The following SFTPC variants were observed in gnomAD, a reference collection of about 807,000 sequenced individuals.
SFTPC encodes the protein BRICHOS domain containing 6.
Under a neutral mutation model 19.9 loss-of-function variants are expected in SFTPC, and 12 were observed. That is an observed-to-expected ratio of 0.60 (90% confidence interval 0.39 to 0.98). The LOEUF is 0.98. Among genes scored for constraint, SFTPC ranks in the 50% least tolerant of loss-of-function variants. The probability of loss-of-function intolerance (pLI) is 0.00; values close to 1 mark genes in which losing one functional copy is unlikely to be tolerated. For missense variants in SFTPC, 219 were observed against 252.2 expected (o/e 0.87, Z 0.89); for synonymous variants, 123 against 103.3 (o/e 1.19, Z -1.16).
chr8:22,160,714 TA>T (rs1827681923), upstream of SFTPC, among the ~76,000 whole-genome samples: 1 of 152,152 alleles, frequency 6.6e-6, no homozygotes. Context: ...GAAGGGACTT[TA>T]GAGACCACCT....
chr8:22,162,483 C>T (rs1487689492), intron 1 of SFTPC, 91 bp from the exon 2 acceptor site: 2 of 1,446,516 alleles, frequency 1.4e-6, no homozygotes, highest in African/African-American at 2.8e-5. Context: ...CAGCCCTAGG[C>T]AGCCGTGGGA....
At chr8:22,159,624 G>C (rs1416576158), upstream of SFTPC, 2 of 461,336 alleles carry the variant, frequency 4.3e-6, no homozygotes, top group Non-Finnish European at 8.3e-6. Context: ...TACAGCCTAA[G>C]GGCAACAGGC....
upstream of SFTPC, chr8:22,161,638 G>T: frequency 1.3e-6 from 2 of 1,562,900 alleles, no homozygotes; most frequent in Non-Finnish European, 8.6e-7. Context: ...AGGGCCCTTG[G>T]GGGCTCTCAC....
upstream of SFTPC, chr8:22,159,762 A>G (rs1178336452): frequency 2.3e-6 from 3 of 1,288,602 alleles, no homozygotes; most frequent in Non-Finnish European, 3.0e-6. Context: ...TGAGAACAAC[A>G]TGGCCCCCCG....
intron 1 of SFTPC, among the ~76,000 whole-genome samples, chr8:22,162,346 C>T (rs1827772017): frequency 6.6e-6 from 1 of 152,164 alleles, no homozygotes; most frequent in Non-Finnish European, 1.5e-5. Flanking sequence ...TCTTGGGTCC[C>T]TCAAAACTAG....
chr8:22,159,455 T>G, upstream of SFTPC: 1 of 320,074 alleles, frequency 3.1e-6, no homozygotes, highest in Non-Finnish European at 6.1e-6. Flanking sequence ...TAAAGGTCCT[T>G]CTGTGTCTCC....
At chr8:22,163,687 C>T (rs902381197) in intron 4 of SFTPC, 141 bp downstream of exon 4, 6 of 794,938 alleles carry the variant, frequency 7.5e-6, no homozygotes, top group Non-Finnish European at 1.3e-5. Context: ...TATTCCCCTG[C>T]ACGACTCCTT....
chr8:22,161,977 C>A, intron 1 of SFTPC, 107 bp downstream of exon 1: 2 of 1,119,162 alleles, frequency 1.8e-6, no homozygotes, highest in Non-Finnish European at 2.7e-6. Context: ...GATCCATTCA[C>A]TCAACTAACC....
At chr8:22,162,002 G>A in intron 1 of SFTPC, 132 bp downstream of exon 1, 1 of 966,944 alleles carries the variant, frequency 1.0e-6, no homozygotes, top group Non-Finnish European at 1.6e-6. Flanking sequence ...ACTGTGATAA[G>A]TCAGGATGGG....
At position 22,162,580 on chromosome 8, in the gene SFTPC, T is replaced by C; in HGVS notation, c.49T>C (p.Ser17Pro). The C allele has an allele frequency of 6.2e-7, 1 of 1,613,784 alleles. No homozygotes were observed. Among genetic ancestry groups the C allele is most frequent in the South Asian group, 1.1e-5 (1 of 91,054 alleles). ...EVLMESPPDY[S>P]AAPRGRFGIP... Reference sequence around the variant, plus strand: ...GCCTGCCCCACCGTGTCAGGACTACTCCGCAGCTCCCCGGGGCCGATTTGG... The same window carrying C: ...GCCTGCCCCACCGTGTCAGGACTACCCCGCAGCTCCCCGGGGCCGATTTGG... Residue 17 changes from serine to proline, a missense_variant, in exon 2 of 6, where the codon TCC (serine) becomes CCC (proline). Ser to Pro is a moderately conservative substitution (Grantham distance 74, BLOSUM62 -1). Transcript: ENST00000679463.
chr8:22,157,897 A>T (rs11776899), upstream of SFTPC, among the ~76,000 whole-genome samples: 42,958 of 152,106 alleles, frequency 0.28, 6,446 homozygotes, highest in African/African-American at 0.35. Flanking sequence ...TTAAATTCAC[A>T]TGTAAATAAA....
Position 22,162,711 on chromosome 8 carries a change from G to A in SFTPC, c.180G>A (p.Met60Ile). 5 of 1,614,212 alleles carry A rather than the reference G, an allele frequency of 3.1e-6. No individual in the cohort carries two copies. The highest frequency in any genetic ancestry group is 3.4e-6 in the Non-Finnish European group (4 of 1,180,044). ...GAGCCCTGCTCATGGGTCTCCACATGAGCCAGAAACACACGGAGATGGTGA... is the reference window on the plus strand; with the variant it reads ...GAGCCCTGCTCATGGGTCTCCACATAAGCCAGAAACACACGGAGATGGTGA... ...IVGALLMGLH[M>I]SQKHTEMVLE... The change falls in exon 2 of 6, where the codon ATG becomes ATA. Residue 60 changes from methionine (M) to isoleucine (I), a missense_variant. Physicochemically the swap from Met to Ile is conservative, Grantham distance 10. Coordinates refer to ENST00000679463, the MANE Select transcript of SFTPC (RefSeq NM_001317778.2).
At chr8:22,159,342 A>ATCTC, upstream of SFTPC, 1 of 191,084 alleles carries the variant, frequency 5.2e-6, no homozygotes. Context: ...GAGGGATTGG[A>ATCTC]GGTGGGCTTT....
At chr8:22,159,848 C>G (rs745324972), upstream of SFTPC, 10 of 1,289,198 alleles carry the variant, frequency 7.8e-6, no homozygotes, top group South Asian at 1.1e-4. Flanking sequence ...GGCTCAGGCC[C>G]AGTACTCGTG....
At chr8:22,159,882 T>C, upstream of SFTPC, 1 of 1,208,060 alleles carries the variant, frequency 8.3e-7, no homozygotes, top group Non-Finnish European at 1.1e-6. Context: ...ATCCCAATGT[T>C]GCCAGGATGA....
At chr8:22,159,751 G>A (rs564691235), upstream of SFTPC, 180 of 1,288,650 alleles carry the variant, frequency 1.4e-4, no homozygotes, top group East Asian at 1.1e-3. Flanking sequence ...CAAGTCCCAC[G>A]TGAGAACAAC....
upstream of SFTPC, chr8:22,159,095 T>A (rs1254313802): frequency 6.6e-6 from 1 of 152,410 alleles, no homozygotes; most frequent in Non-Finnish European, 1.5e-5. Context: ...CCATTGGCTC[T>A]TGGCCTGTTT....
chr8:22,163,544 CA>C lies in SFTPC; in HGVS notation c.434del (p.Gln145ArgfsTer35). On this transcript the variant is annotated frameshift_variant and splice_region_variant, in exon 4 of 6. Coordinates refer to ENST00000679463, the MANE Select transcript of SFTPC (RefSeq NM_001317778.2). LOFTEE classifies it high-confidence loss of function. ...TCTCACTAGAAAAGTCCACAACTTCCAGGTGTGTGTGTGTGGGTGAAAAGAG... is the reference window on the plus strand; with the variant it reads ...TCTCACTAGAAAAGTCCACAACTTCCGGTGTGTGTGTGTGGGTGAAAAGAG... ...EALTRKVHNF[Q>X]AKPAVPTSKL... 1 of 1,600,540 alleles carries C rather than the reference CA, an allele frequency of 6.2e-7. No homozygotes were observed.
chr8:22,164,251 T>C lies in SFTPC; in HGVS notation c.*19-15T>C, dbSNP rs767551791. On this transcript the variant is annotated splice_polypyrimidine_tract_variant and intron_variant, in intron 5 of 5. Transcript: ENST00000679463. ...GATTCTCTCTGTCCATCCTCAACAT[T>C]CCTTTGCTTCACAGGGTCAGTGGAA... 1 of 1,536,136 alleles carries C rather than the reference T, an allele frequency of 6.5e-7. No individual in the cohort carries two copies. Among genetic ancestry groups the C allele is most frequent in the Middle Eastern group, 1.7e-4 (1 of 5,990 alleles).
Sources: allele counts gnomAD v4.1 joint callset (sites outside exome capture counted in the v4.1 genomes callset), GRCh38; gene constraint gnomAD v4.1.1; transcripts MANE v1.5; gene names NCBI Gene and HGNC (gene_info 2026-07-23, HGNC 2026-07-21).